SLC35A5: variants seen among roughly 807,000 people sequenced by gnomAD.
SLC35A5 encodes solute carrier family 35 member A5, also known as UDP-sugar transporter protein SLC35A5.
Under a neutral mutation model 36.3 loss-of-function variants are expected in SLC35A5, and 28 were observed. That is an observed-to-expected ratio of 0.77 (90% CI 0.57 to 1.06). The LOEUF is 1.06. Ranked by LOEUF, SLC35A5 falls within the 50% of genes least tolerant of loss-of-function variation. The probability of loss-of-function intolerance (pLI) is 0.00; values close to 1 mark genes in which losing one functional copy is unlikely to be tolerated. For missense variants in SLC35A5, 521 were observed against 499.3 expected (o/e 1.04, Z -0.41); for synonymous variants, 180 against 173.7 (o/e 1.04, Z -0.29).
chr3:112,580,958 C>T lies in SLC35A5; in HGVS notation c.841C>T (p.Leu281=). ...TTTCTTTGGCATTCTGTTTAATGGG[C>T]TGACTCTGGGCCTTCAGAGGAGTAA... ...LYFFGILFNG[L]TLGLQRSNRD... The change falls in exon 6 of 7, where the codon CTG becomes TTG. Residue 281 remains leucine (L), a synonymous_variant. Transcript: ENST00000492406. 1 of 1,614,124 alleles carries T rather than the reference C, an allele frequency of 6.2e-7. No homozygotes were observed. Among genetic ancestry groups the T allele is most frequent in the Non-Finnish European group, 8.5e-7 (1 of 1,179,982 alleles).
In SLC35A5 at chr3:112,570,610, T is replaced by C. The variant is rs779292883; in HGVS notation, c.300T>C (p.Pro100=). 1.2e-5 allele frequency: 19 copies of C among 1,613,074 alleles called. 1 individual carries two copies. The highest frequency in any genetic ancestry group is 1.6e-5 in the Non-Finnish European group (19 of 1,179,512). The change falls in exon 4 of 7, where the codon CCT becomes CCC. Residue 100 remains proline (P), a synonymous_variant. Transcript: ENST00000492406. ...CTGATTTCATGAAGTGGTCCATTCC[T>C]GCCTTTCTTTATTTCCTGGATAACT... The part of the protein sequence containing the change: ...EFSDFMKWSI[P]AFLYFLDNLI...
chr3:112,568,036 A>G (rs1162053818), intron 2 of SLC35A5, among the ~76,000 whole-genome samples: 1 of 152,212 alleles, frequency 6.6e-6, no homozygotes, highest in South Asian at 2.1e-4. Context: ...TCAGGTGAAC[A>G]TTTATTAAGT....
intron 5 of SLC35A5, among the ~76,000 whole-genome samples, chr3:112,574,862 C>T (rs938344354): frequency 2.6e-5 from 4 of 151,856 alleles, no homozygotes; most frequent in Non-Finnish European, 4.4e-5. Context: ...CCTGAGGAAA[C>T]ATTTAATTTG....
In SLC35A5 at chr3:112,576,663, G is replaced by A. The variant is rs866273522; in HGVS notation, c.428+2707G>A. 6.6e-5 allele frequency among the ~76,000 whole-genome samples: 10 copies of A among 152,168 alleles called. No individual in the cohort carries two copies. In the Middle Eastern group the frequency reaches 0.02, roughly 311 times the overall value. On this transcript the variant is annotated intron_variant, in intron 5 of 6. Coordinates refer to ENST00000492406, the MANE Select transcript of SLC35A5 (RefSeq NM_017945.5). ...ATACAGTATTTGTCTTTTGGGACTG[G>A]CTTATTTCACTTAGCTTAGCATATT...
Position 112,580,922 on chromosome 3 carries a change from A to G in SLC35A5, c.805A>G (p.Ser269Gly). ...CACTGAAAGCATCTTCATACAGAAC[A>G]GCAAACTCTATTTCTTTGGCATTCT... ...QLTESIFIQN[S>G]KLYFFGILFN... Residue 269 changes from serine (S) to glycine (G), a missense_variant, in exon 6 of 7, where the codon AGC (serine) becomes GGC (glycine). Ser to Gly is a moderately conservative substitution (Grantham distance 56). Transcript: ENST00000492406. The G allele has an allele frequency of 2.5e-6, 4 of 1,614,184 alleles. No homozygotes were observed. The highest frequency in any genetic ancestry group is 2.5e-6 in the Non-Finnish European group (3 of 1,180,002).
chr3:112,578,913 A>G (rs1190332312), intron 5 of SLC35A5, among the ~76,000 whole-genome samples: 2 of 152,128 alleles, frequency 1.3e-5, no homozygotes, highest in East Asian at 1.9e-4. Context: ...GTTTTCTGCT[A>G]CTTAATGTGT....
chr3:112,583,070 A>G lies in SLC35A5; in HGVS notation c.*334A>G. On this transcript the variant is annotated 3_prime_UTR_variant, in exon 7 of 7. Coordinates refer to ENST00000492406, the MANE Select transcript of SLC35A5 (RefSeq NM_017945.5). ...CATGTTAGCTATAGCTTGTATATACACATAGAGATCAATTTGCCAAATATT... is the reference window on the plus strand; with the variant it reads ...CATGTTAGCTATAGCTTGTATATACGCATAGAGATCAATTTGCCAAATATT... The G allele has an allele frequency of 2.5e-6, 1 of 405,630 alleles. No individual in the cohort carries two copies. The highest frequency in any genetic ancestry group is 4.3e-6 in the Non-Finnish European group (1 of 230,370). 25.1% of individuals were successfully genotyped at this position (405,630 alleles called of 1,614,324 possible).
In SLC35A5 at chr3:112,584,163, G is replaced by T. The variant is rs761712656; in HGVS notation, c.*1427G>T. 6 of 152,098 alleles carry T rather than the reference G, an allele frequency of 3.9e-5. No homozygotes were observed. The highest frequency in any genetic ancestry group is 7.2e-5 in the African/African-American group (3 of 41,428). The allele number at this position is 152,098 out of a possible 1,614,324, so 9.4% of individuals were successfully genotyped here. ...AAAATAATTATTAAACCTATGTCTT[G>T]TGTTGCCACTCTGTCATTTAGGGTG... On this transcript the variant is annotated 3_prime_UTR_variant, in exon 7 of 7. Transcript: ENST00000492406.
Position 112,580,715 on chromosome 3 carries a change from C to G in SLC35A5, c.598C>G (p.Pro200Ala). ...CTGCCTTCTTTTCAGAAGTGAGTGT[C>G]CCAGAAAAGACAATTGTACAGCAAA... ...NSCLLFRSEC[P>A]RKDNCTAKEW... The change falls in exon 6 of 7, where the codon CCC (proline) becomes GCC (alanine). Residue 200 changes from proline (P) to alanine (A), a missense_variant. By Grantham distance (27) the Pro-to-Ala change is conservative. Transcript: ENST00000492406. 1 of 1,614,114 alleles carries G rather than the reference C, an allele frequency of 6.2e-7. No individual in the cohort carries two copies. Among genetic ancestry groups the G allele is most frequent in the Non-Finnish European group, 8.5e-7 (1 of 1,179,990 alleles).
chr3:112,578,672 C>CG lies in SLC35A5; in HGVS notation c.429-1873dup, dbSNP rs1934765753. 2.0e-5 allele frequency among the ~76,000 whole-genome samples: 3 copies of CG among 152,234 alleles called. No homozygotes were observed. The South Asian group carries it at 6.2e-4, about 32-fold the overall frequency. ...TTAGCTTAATCCTTAATAAATTTTACGTTCCTTAGAGCATTACCTTGAATG... is the reference window on the plus strand; with the variant it reads ...TTAGCTTAATCCTTAATAAATTTTACGGTTCCTTAGAGCATTACCTTGAATG... On this transcript the variant is annotated intron_variant, in intron 5 of 6. Transcript: ENST00000492406.
At chr3:112,567,189 G>A (rs948541549) in intron 2 of SLC35A5, among the ~76,000 whole-genome samples, 1 of 151,692 alleles carries the variant, frequency 6.6e-6, no homozygotes, top group Non-Finnish European at 1.5e-5. Flanking sequence ...TCACGCCATT[G>A]CACTCCAGCC....
chr3:112,581,230 T>C lies in SLC35A5; in HGVS notation c.1113T>C (p.Phe371=). ...LEAPSVLLSI[F]IYNASKPQVP... ...CCCCATCAGTCCTTCTCTCTATATTTATTTATAATGCCAGCAAGCCTCAAG... is the reference window on the plus strand; with the variant it reads ...CCCCATCAGTCCTTCTCTCTATATTCATTTATAATGCCAGCAAGCCTCAAG... Residue 371 remains phenylalanine (F), a synonymous_variant, in exon 6 of 7, where the codon TTT becomes TTC. Coordinates refer to ENST00000492406, the MANE Select transcript of SLC35A5 (RefSeq NM_017945.5). The C allele has an allele frequency of 3.1e-6, 5 of 1,613,874 alleles. No homozygotes were observed. The highest frequency in any genetic ancestry group is 2.2e-5 in the South Asian group (2 of 91,060).
chr3:112,563,425 C>A lies in SLC35A5; in HGVS notation c.22C>A (p.His8Asn). MEKQCCS[H>N]PVICSLSTMY... ...TGGAATGGAAAAACAGTGCTGTAGT[C>A]ATCCTGTAATATGCTCCTTGTCAAC... The change falls in exon 2 of 7, where the codon CAT becomes AAT. Residue 8 changes from histidine (H) to asparagine (N), a missense_variant. His to Asn is a moderately conservative substitution (Grantham distance 68, BLOSUM62 1). Coordinates refer to ENST00000492406, the MANE Select transcript of SLC35A5 (RefSeq NM_017945.5). The A allele has an allele frequency of 6.3e-7, 1 of 1,575,932 alleles. No individual in the cohort carries two copies. Among genetic ancestry groups the A allele is most frequent in the Non-Finnish European group, 8.7e-7 (1 of 1,151,860 alleles).
intron 3 of SLC35A5, 36 bp downstream of exon 3, chr3:112,569,305 A>G (rs750463732): frequency 2.0e-6 from 3 of 1,519,446 alleles, no homozygotes; most frequent in South Asian, 2.3e-5. Context: ...CTTGTTAATC[A>G]TAGGACCAAA....
At chr3:112,580,146 A>G (rs1388524849) in intron 5 of SLC35A5, among the ~76,000 whole-genome samples, 3 of 152,280 alleles carry the variant, frequency 2.0e-5, no homozygotes, top group East Asian at 3.9e-4. Context: ...ATCTGTACAC[A>G]ACATTTCTGA....
chr3:112,577,458 G>A (rs1371382210), intron 5 of SLC35A5, among the ~76,000 whole-genome samples: 2 of 152,182 alleles, frequency 1.3e-5, no homozygotes, highest in African/African-American at 4.8e-5. Context: ...ACTGGTTCAT[G>A]GTAGAAACTG....
chr3:112,561,932 C>G (rs1474161501), upstream of SLC35A5: 2 of 221,602 alleles, frequency 9.0e-6, no homozygotes, highest in East Asian at 1.7e-4. Context: ...CTTGCCGTAG[C>G]TGCGCCGCCA....
In SLC35A5 at chr3:112,570,643, C is replaced by T; in HGVS notation, c.333C>T (p.Val111=). The T allele has an allele frequency of 6.2e-7, 1 of 1,610,386 alleles. No homozygotes were observed. The highest frequency in any genetic ancestry group is 8.5e-7 in the Non-Finnish European group (1 of 1,178,368). The change falls in exon 4 of 7, where the codon GTC becomes GTT. Residue 111 remains valine, a synonymous_variant. Transcript: ENST00000492406. ...AFLYFLDNLI[V]FYVLSYLQPA... is the part of the protein sequence containing the mutation. ...TTTATTTCCTGGATAACTTGATTGT[C>T]TTCTATGTCCTGTCCTATCTTCAAC...
intron 5 of SLC35A5, among the ~76,000 whole-genome samples, chr3:112,579,341 A>G (rs568663275): frequency 2.6e-5 from 4 of 152,118 alleles, no homozygotes; most frequent in African/African-American, 9.6e-5. Context: ...CTCCAATGAT[A>G]TAAAAATTCT....
Sources: allele counts gnomAD v4.1 joint callset (sites outside exome capture counted in the v4.1 genomes callset), GRCh38; gene constraint gnomAD v4.1.1; transcripts MANE v1.5; gene names NCBI Gene and HGNC (gene_info 2026-07-23, HGNC 2026-07-21).